The following SDC2 variants were observed in gnomAD, a reference collection of about 807,000 sequenced individuals.
SDC2 encodes syndecan 2, also known as syndecan-2.
In SDC2, 13 loss-of-function variants were observed where a neutral mutation model predicts 22.2. The observed-to-expected ratio is 0.59, with a 90% CI of 0.38 to 0.93. The LOEUF is 0.93. Among genes scored for constraint, SDC2 ranks in the 40% least tolerant of loss-of-function variants. SDC2 has a pLI of 0.00. For missense variants in SDC2, 235 were observed against 246.8 expected (o/e 0.95, Z 0.32); for synonymous variants, 94 against 92.8 (o/e 1.01, Z -0.07).
chr8:96,511,848 C>G (rs1234802447), intron 1 of SDC2, among the ~76,000 whole-genome samples: 1 of 149,814 alleles, frequency 6.7e-6, no homozygotes, highest in East Asian at 2.0e-4. Flanking sequence ...CTCAACCTTA[C>G]TTTGTTAGAT....
At chr8:96,495,078 G>A (rs1813048517) in intron 1 of SDC2, among the ~76,000 whole-genome samples, 1 of 152,204 alleles carries the variant, frequency 6.6e-6, no homozygotes, top group South Asian at 2.1e-4. Flanking sequence ...GGGCGTCAGG[G>A]ACGGGAGGAC....
intron 1 of SDC2, among the ~76,000 whole-genome samples, chr8:96,572,962 C>G (rs10504964): frequency 0.039 from 5,898 of 152,248 alleles, 179 homozygotes; most frequent in East Asian, 0.16. Context: ...ATTGTTGTGA[C>G]CACCAGCTTA....
chr8:96,494,629 C>G (rs1334614887), intron 1 of SDC2, among the ~76,000 whole-genome samples: 4 of 151,962 alleles, frequency 2.6e-5, no homozygotes, highest in Non-Finnish European at 5.9e-5. Context: ...CTCGGCGGGT[C>G]TTGCTGCGTG....
chr8:96,547,143 T>C (rs1813947775), intron 1 of SDC2, among the ~76,000 whole-genome samples: 1 of 152,242 alleles, frequency 6.6e-6, no homozygotes. Flanking sequence ...TTGGATTGAA[T>C]GGTTTCATAT....
At chr8:96,519,488 G>C (rs1813460340) in intron 1 of SDC2, among the ~76,000 whole-genome samples, 1 of 151,934 alleles carries the variant, frequency 6.6e-6, no homozygotes, top group Non-Finnish European at 1.5e-5. Flanking sequence ...TTGTTTTCTG[G>C]GAAGGTTTAA....
chr8:96,600,526 C>T (rs1814961185), intron 2 of SDC2, among the ~76,000 whole-genome samples: 1 of 152,148 alleles, frequency 6.6e-6, no homozygotes, highest in South Asian at 2.1e-4. Context: ...CTATGTTAGG[C>T]ACTCAGGGGC....
chr8:96,508,211 G>A (rs1206747934), intron 1 of SDC2, among the ~76,000 whole-genome samples: 1 of 151,880 alleles, frequency 6.6e-6, no homozygotes, highest in African/African-American at 2.4e-5. Flanking sequence ...CAGGAGAATG[G>A]CATGAACCCG....
At chr8:96,498,355 G>A (rs1813106402) in intron 1 of SDC2, among the ~76,000 whole-genome samples, 1 of 152,058 alleles carries the variant, frequency 6.6e-6, no homozygotes, top group Non-Finnish European at 1.5e-5. Flanking sequence ...CCTGGCCCAT[G>A]GGAACCTGCA....
At chr8:96,508,431 C>A (rs2250210) in intron 1 of SDC2, among the ~76,000 whole-genome samples, 31,663 of 148,636 alleles carry the variant, frequency 0.21, 3,575 homozygotes, top group African/African-American at 0.26. Flanking sequence ...AGGCGGAGGT[C>A]GCAGTGAGCA....
At chr8:96,505,386 C>G (rs913931502) in intron 1 of SDC2, among the ~76,000 whole-genome samples, 1 of 152,134 alleles carries the variant, frequency 6.6e-6, no homozygotes, top group Non-Finnish European at 1.5e-5. Context: ...TCACTGCAGC[C>G]TCTGCCTCCC....
intron 1 of SDC2, among the ~76,000 whole-genome samples, chr8:96,535,368 A>T (rs949859084): frequency 1.3e-5 from 2 of 152,246 alleles, no homozygotes; most frequent in Non-Finnish European, 2.9e-5. Flanking sequence ...TAAACTAAAA[A>T]TTATTTGTTT....
intron 1 of SDC2, among the ~76,000 whole-genome samples, chr8:96,536,774 G>C (rs1813761368): frequency 6.6e-6 from 1 of 152,204 alleles, no homozygotes; most frequent in African/African-American, 2.4e-5. Flanking sequence ...AGGTAGACCA[G>C]GTAGGATAGG....
At chr8:96,529,811 C>T (rs1372089986) in intron 1 of SDC2, among the ~76,000 whole-genome samples, 1 of 150,404 alleles carries the variant, frequency 6.6e-6, no homozygotes, top group Non-Finnish European at 1.5e-5. Flanking sequence ...TTGTTCTTCT[C>T]AATCCCTGGT....
chr8:96,598,073 T>A (rs1814910841), intron 2 of SDC2, among the ~76,000 whole-genome samples: 1 of 152,172 alleles, frequency 6.6e-6, no homozygotes, highest in South Asian at 2.1e-4. Context: ...AGATTTGGTG[T>A]CTGGTGAGGG....
chr8:96,591,132 G>A (rs1814774461), intron 1 of SDC2, among the ~76,000 whole-genome samples: 2 of 152,150 alleles, frequency 1.3e-5, no homozygotes, highest in Admixed American at 6.5e-5. Context: ...CTGGGTCATC[G>A]AATGAATTGA....
intron 1 of SDC2, among the ~76,000 whole-genome samples, chr8:96,530,573 GC>G (rs1813645125): frequency 6.6e-6 from 1 of 152,186 alleles, no homozygotes; most frequent in African/African-American, 2.4e-5. Flanking sequence ...GGCAGAGGTT[GC>G]AGTGAGCTGT....
intron 1 of SDC2, among the ~76,000 whole-genome samples, chr8:96,542,569 G>C (rs553670031): frequency 6.6e-6 from 1 of 152,240 alleles, no homozygotes; most frequent in South Asian, 2.1e-4. Flanking sequence ...AGAATTCTCT[G>C]TCAGGTGTTG....
chr8:96,534,489 C>T (rs1414818851), intron 1 of SDC2, among the ~76,000 whole-genome samples: 2 of 152,154 alleles, frequency 1.3e-5, no homozygotes, highest in Admixed American at 1.3e-4. Context: ...GGCTGGAGTA[C>T]AGTGATGCGA....
chr8:96,602,330 G>A lies in SDC2; in HGVS notation c.173-65G>A. 3 of 1,540,032 alleles carry A rather than the reference G, an allele frequency of 1.9e-6. No homozygotes were observed. In the South Asian group the frequency reaches 3.5e-5, roughly 18 times the overall value. On this transcript the variant is annotated intron_variant, in intron 2 of 4. Transcript: ENST00000302190. ...GTCAGTGTCAACGTCAGGCAATAGTGCCTGATAATGGAGACATCTGTGTCA... is the reference window on the plus strand; with the variant it reads ...GTCAGTGTCAACGTCAGGCAATAGTACCTGATAATGGAGACATCTGTGTCA...
Sources: gnomAD v4.1 joint callset for allele counts (sites outside exome capture counted in the v4.1 genomes callset) on GRCh38, gnomAD v4.1.1 for gene constraint, MANE v1.5 for transcripts, NCBI Gene and HGNC (gene_info 2026-07-23, HGNC 2026-07-21) for gene names.